The following AHNAK2 variants were observed in gnomAD, a reference collection of about 807,000 sequenced individuals.
AHNAK2 encodes protein AHNAK2.
In AHNAK2, 18 loss-of-function variants were observed where a neutral mutation model predicts 30.7. That is an observed-to-expected ratio of 0.59 (90% CI 0.41 to 0.87). AHNAK2 has a LOEUF of 0.87. AHNAK2 is among the 40% of genes least tolerant of loss of function. The pLI is 0.00. For missense variants in AHNAK2, 8,604 were observed against 7,373.0 expected (o/e 1.17, Z -6.11); for synonymous variants, 3,590 against 3,073.8 (o/e 1.17, Z -5.56).
rs780140579 is a variant in AHNAK2 at position 104,945,780 on chromosome 14, C to G, written c.9671G>C (p.Gly3224Ala). Residue 3224 changes from glycine to alanine, a missense_variant, in exon 7 of 7, where the codon GGG becomes GCG. Physicochemically the swap from Gly to Ala is moderately conservative, Grantham distance 60. Coordinates refer to ENST00000333244, the MANE Select transcript of AHNAK2 (RefSeq NM_138420.4). Reference protein sequence around the residue: ...GHVLEGAGLKGHLPKLQMPSF... With the variant: ...GHVLEGAGLKAHLPKLQMPSF... ...GGGCATCTGCAACTTGGGCAGGTGCCCTTTGAGGCCAGCTCCCTCGAGAAC... is the reference window on the plus strand; with the variant it reads ...GGGCATCTGCAACTTGGGCAGGTGCGCTTTGAGGCCAGCTCCCTCGAGAAC... 12 of 1,586,746 alleles carry G rather than the reference C, an allele frequency of 7.6e-6. No individual in the cohort carries two copies. Among genetic ancestry groups the G allele is most frequent in the South Asian group, 1.1e-5 (1 of 89,402 alleles).
chr14:104,963,757 G>A (rs1402351311), intron 1 of AHNAK2, among the ~76,000 whole-genome samples: 1 of 151,582 alleles, frequency 6.6e-6, no homozygotes, highest in Non-Finnish European at 1.5e-5. Flanking sequence ...GTGAACCCGG[G>A]AGGCGGAGCT....
rs1278523694 is a variant in AHNAK2 at position 104,950,742 on chromosome 14, G to A, written c.4709C>T (p.Ala1570Val). ...TTTGGGCAGGTGCCCTTTGAGGCCG[G>A]CTCCCTCGGACACAGGGCCCTCTGG... The part of the protein sequence containing the change: ...KLPEGPVSEG[A>V]GLKGHLPKVQ... The change falls in exon 7 of 7, where the codon GCC (alanine) becomes GTC (valine). Residue 1570 changes from alanine to valine, a missense_variant. By Grantham distance (64) the Ala-to-Val change is moderately conservative. Coordinates refer to ENST00000333244, the MANE Select transcript of AHNAK2 (RefSeq NM_138420.4). 1 of 1,587,868 alleles carries A rather than the reference G, an allele frequency of 6.3e-7. No homozygotes were observed. The highest frequency in any genetic ancestry group is 8.6e-7 in the Non-Finnish European group (1 of 1,162,904).
Position 104,954,312 on chromosome 14 carries a change from C to T in AHNAK2, c.1139G>A (p.Arg380Lys). ...CATCACTTCTCGATCCTGTTCTGCC[C>T]TCTCCTCTCTCCTGCTGCCTGTGGC... ...GAATGSRREE[R>K]AEQDREVMPA... The change falls in exon 7 of 7, where the codon AGG (arginine) becomes AAG (lysine). Residue 380 changes from arginine to lysine, a missense_variant. Physicochemically the swap from Arg to Lys is conservative, Grantham distance 26 (BLOSUM62 2). Coordinates refer to ENST00000333244, the MANE Select transcript of AHNAK2 (RefSeq NM_138420.4). The surrounding 1 kb of genome is among the most constrained non-coding windows in gnomAD (Gnocchi z 4.3). The T allele has an allele frequency of 1.2e-6, 2 of 1,613,644 alleles. No homozygotes were observed. The highest frequency in any genetic ancestry group is 4.5e-5 in the East Asian group (2 of 44,888).
chr14:104,942,595 G>A lies in AHNAK2; in HGVS notation c.12856C>T (p.Leu4286=). ...TTGGCAGTCATGTCCTTGTCGGCTAGGGACAGGTCACCCTCCAGCCGCACA... is the reference window on the plus strand; with the variant it reads ...TTGGCAGTCATGTCCTTGTCGGCTAAGGACAGGTCACCCTCCAGCCGCACA... ...DSVRLEGDLS[L]ADKDMTAKDS... Residue 4286 remains leucine (L), a synonymous_variant, in exon 7 of 7, where the codon CTA becomes TTA. Coordinates refer to ENST00000333244, the MANE Select transcript of AHNAK2 (RefSeq NM_138420.4). 1 of 1,613,152 alleles carries A rather than the reference G, an allele frequency of 6.2e-7. No individual in the cohort carries two copies. The highest frequency in any genetic ancestry group is 8.5e-7 in the Non-Finnish European group (1 of 1,179,554).
chr14:104,953,882 C>A lies in AHNAK2; in HGVS notation c.1569G>T (p.Ala523=), dbSNP rs764451584. Residue 523 remains alanine, a synonymous_variant, in exon 7 of 7, where the codon GCG becomes GCT. Coordinates refer to ENST00000333244, the MANE Select transcript of AHNAK2 (RefSeq NM_138420.4). ...CCTCCTCACCCTTCAGGCCAGTACC[C>A]GCTTTTGAGGACGCATCCTGTCTCT... ...RGKRQDASSK[A]GTGLKGEEVE... 2.5e-6 allele frequency: 4 copies of A among 1,613,994 alleles called. No individual in the cohort carries two copies. In the South Asian group the frequency reaches 4.4e-5, roughly 18 times the overall value.
intron 1 of AHNAK2, among the ~76,000 whole-genome samples, chr14:104,958,693 CA>C (rs796093330): frequency 1.4e-4 from 21 of 152,112 alleles, no homozygotes; most frequent in African/African-American, 4.1e-4. Context: ...AGAACGGGGT[CA>C]GGGGGAAGAT....
chr14:104,951,589 C>A lies in AHNAK2; in HGVS notation c.3862G>T (p.Ala1288Ser), dbSNP rs781278365. The change falls in exon 7 of 7, where the codon GCT becomes TCT. Residue 1288 changes from alanine to serine, a missense_variant. Transcript: ENST00000333244. ...ACCTCCACACTGGGCAGAGACACAG[C>A]CACTTCGTGGGCCGTCACCTCTGCC... is the stretch of plus-strand genomic sequence containing the variant. ...HKAEVTAHEV[A>S]VSLPSVEVDM... The A allele has an allele frequency of 8.0e-7, 1 of 1,247,912 alleles. No homozygotes were observed. Among genetic ancestry groups the A allele is most frequent in the Admixed American group, 1.9e-5 (1 of 53,786 alleles). 77.3% of individuals were successfully genotyped at this position (1,247,912 alleles called of 1,614,324 possible).
rs752206803 is a variant in AHNAK2, at chr14:104,942,833, C to T, written c.12618G>A (p.Leu4206=). 1.2e-6 allele frequency: 2 copies of T among 1,612,692 alleles called. No homozygotes were observed. The highest frequency in any genetic ancestry group is 8.5e-7 in the Non-Finnish European group (1 of 1,179,554). ...GCCCTTTGAGGCCGGCTCCCTTGGG[C>T]AGGGGGCCCTCCGGGAGTTTCACGT... ...QVDVKLPEGP[L]PKGAGLKGHL... The change falls in exon 7 of 7, where the codon CTG becomes CTA. Residue 4206 remains leucine, a synonymous_variant. Coordinates refer to ENST00000333244, the MANE Select transcript of AHNAK2 (RefSeq NM_138420.4).
rs540529984 is a variant in AHNAK2 at position 104,953,565 on chromosome 14, G to C, written c.1886C>G (p.Thr629Arg). ...ATADRREQRR[T>R]EEGLKDKEDS... is the part of the protein sequence containing the mutation. The stretch of plus-strand genomic sequence containing the variant: ...TTCTTTGTCTTTTAATCCTTCCTCT[G>C]TGCGTCTCTGTTCTCTTCTATCAGC... The change falls in exon 7 of 7, where the codon ACA becomes AGA. Residue 629 changes from threonine to arginine, a missense_variant. By Grantham distance (71) the Thr-to-Arg change is moderately conservative. Transcript: ENST00000333244. 25 of 1,613,966 alleles carry C rather than the reference G, an allele frequency of 1.5e-5. No individual in the cohort carries two copies. The highest frequency in any genetic ancestry group is 1.6e-4 in the Middle Eastern group (1 of 6,062).
chr14:104,949,188 C>G lies in AHNAK2; in HGVS notation c.6263G>C (p.Gly2088Ala). The change falls in exon 7 of 7, where the codon GGC becomes GCC. Residue 2088 changes from glycine (G) to alanine (A), a missense_variant. Coordinates refer to ENST00000333244, the MANE Select transcript of AHNAK2 (RefSeq NM_138420.4). ...SLKMPKVDLK[G>A]PQVDIKGPKL... Reference sequence around the variant, plus strand: ...GGGGCCCTTGATGTCCACCTGGGGGCCCTTGAGGTCCACTTTGGGCATCTT... The same window carrying G: ...GGGGCCCTTGATGTCCACCTGGGGGGCCTTGAGGTCCACTTTGGGCATCTT... 9.3e-7 allele frequency: 1 copy of G among 1,070,616 alleles called. No homozygotes were observed. Among genetic ancestry groups the G allele is most frequent in the East Asian group, 2.3e-5 (1 of 44,390 alleles). 66.3% of individuals were successfully genotyped at this position (1,070,616 alleles called of 1,614,324 possible).
rs568027910 is a variant in AHNAK2, at chr14:104,950,623, C to T, written c.4828G>A (p.Val1610Met). ...GPKLDLKGPK[V>M]EVTAPDVKMS... ...TTCACATCGGGGGCTGTCACTTCCA[C>T]CTTGGGGCCTTTCAGGTCCAGCTTG... Residue 1610 changes from valine to methionine, a missense_variant, in exon 7 of 7, where the codon GTG becomes ATG. Physicochemically the swap from Val to Met is conservative, Grantham distance 21 (BLOSUM62 1). Transcript: ENST00000333244. The T allele has an allele frequency of 1.9e-4, 305 of 1,587,162 alleles. 35 individuals are homozygous for T. The Admixed American group carries it at 5.1e-3, about 27-fold the overall frequency.
chr14:104,967,327 A>C (rs1362755446), intron 1 of AHNAK2, among the ~76,000 whole-genome samples: 1 of 151,970 alleles, frequency 6.6e-6, no homozygotes, highest in African/African-American at 2.4e-5. Context: ...GGGACTCGCC[A>C]GGCAGGGAAA....
In AHNAK2 at chr14:104,938,191, C is replaced by G; in HGVS notation, c.17260G>C (p.Val5754Leu). The change falls in exon 7 of 7, where the codon GTG becomes CTG. Residue 5754 changes from valine to leucine, a missense_variant. Physicochemically the swap from Val to Leu is conservative, Grantham distance 32 (BLOSUM62 1). Coordinates refer to ENST00000333244, the MANE Select transcript of AHNAK2 (RefSeq NM_138420.4). Reference protein sequence around the residue: ...EKEEGELIGPVGTGLDSRVMV... With the variant: ...EKEEGELIGPLGTGLDSRVMV... ...ACTCTGGAGTCCAGCCCAGTGCCCA[C>G]AGGCCCGATCAGTTCACCCTCTTCC... 1.1e-5 allele frequency: 18 copies of G among 1,613,980 alleles called. No individual in the cohort carries two copies. Among genetic ancestry groups the G allele is most frequent in the Non-Finnish European group, 1.4e-5 (17 of 1,179,904 alleles).
intron 1 of AHNAK2, among the ~76,000 whole-genome samples, chr14:104,969,512 C>T (rs1317235335): frequency 6.6e-6 from 1 of 152,246 alleles, no homozygotes; most frequent in African/African-American, 2.4e-5. Context: ...CTGCCGGCTC[C>T]CTGGTCCCCA....
At position 104,938,078 on chromosome 14, in the gene AHNAK2, T is replaced by C. The variant is rs753614203; in HGVS notation, c.17373A>G (p.Gly5791=). The C allele has an allele frequency of 1.2e-6, 2 of 1,613,384 alleles. No homozygotes were observed. Among genetic ancestry groups the C allele is most frequent in the East Asian group, 4.5e-5 (2 of 44,892 alleles). The stretch of plus-strand genomic sequence containing the variant: ...GCCATACCTCTCAGCCTTCATTTGG[T>C]CCCAGGCCTGACCCTTTGCTTTCAT... ...ADDESKGSGL[G]PNEG is the part of the protein sequence containing the mutation. The change falls in exon 7 of 7, where the codon GGA becomes GGG. Residue 5791 remains glycine (G), a synonymous_variant. Transcript: ENST00000333244.
In AHNAK2 at chr14:104,938,849, C is replaced by T. The variant is rs774884954; in HGVS notation, c.16602G>A (p.Val5534=). 5 of 1,613,894 alleles carry T rather than the reference C, an allele frequency of 3.1e-6. No individual in the cohort carries two copies. The South Asian group carries it at 5.5e-5, about 18-fold the overall frequency. The change falls in exon 7 of 7, where the codon GTG becomes GTA. Residue 5534 remains valine, a synonymous_variant. Transcript: ENST00000333244. ...KIPEPHTQAR[V]YTTMTQHSRT... is the part of the protein sequence containing the mutation. ...TAGAGTGTTGAGTCATTGTTGTGTA[C>T]ACTCTAGCCTGCGTGTGGGGCTCTG...
At position 104,943,419 on chromosome 14, in the gene AHNAK2, A is replaced by G; in HGVS notation, c.12032T>C (p.Leu4011Pro). 6.2e-7 allele frequency: 1 copy of G among 1,613,114 alleles called. No homozygotes were observed. The highest frequency in any genetic ancestry group is 1.7e-5 in the Admixed American group (1 of 59,962). The change falls in exon 7 of 7, where the codon CTC becomes CCC. Residue 4011 changes from leucine (L) to proline (P), a missense_variant. Leu to Pro is a moderately conservative substitution (Grantham distance 98, BLOSUM62 -3). Transcript: ENST00000333244. Reference sequence around the variant, plus strand: ...CTGAACGCTGAGGTCAGTGGCCTTGAGGTCCCCCTGCATGGAAGGGAGGCT... The same window carrying G: ...CTGAACGCTGAGGTCAGTGGCCTTGGGGTCCCCCTGCATGGAAGGGAGGCT... ...DVSLPSMQGDLKATDLSVQPP... is the reference protein window; with the variant it reads ...DVSLPSMQGDPKATDLSVQPP...
At position 104,945,166 on chromosome 14, in the gene AHNAK2, C is replaced by G. The variant is rs1193188758; in HGVS notation, c.10285G>C (p.Val3429Leu). The G allele has an allele frequency of 1.2e-6, 2 of 1,613,382 alleles. No homozygotes were observed. Among genetic ancestry groups the G allele is most frequent in the Non-Finnish European group, 8.5e-7 (1 of 1,179,742 alleles). The part of the protein sequence containing the change: ...DLKVPKAEVT[V>L]PDVEVSLPSV... ...GGCAGAGACACCTCCACATCAGGGA[C>G]TGTCACTTCCGCCTTGGGGACTTTT... Residue 3429 changes from valine (V) to leucine (L), a missense_variant, in exon 7 of 7, where the codon GTC (valine) becomes CTC (leucine). Coordinates refer to ENST00000333244, the MANE Select transcript of AHNAK2 (RefSeq NM_138420.4).
At position 104,954,854 on chromosome 14, in the gene AHNAK2, TG is replaced by T; in HGVS notation, c.652-56del. ...TGCCAGTCCAAGAAGCCTGGGGCCC[TG>T]GCCCAGGGACAGATGGAGTGGGAGT... is the stretch of plus-strand genomic sequence containing the variant. On this transcript the variant is annotated intron_variant, in intron 6 of 6. Transcript: ENST00000333244. This position sits in a 1 kb window ranked among gnomAD's most constrained non-coding sequence, Gnocchi z 4.3. 6.5e-7 allele frequency: 1 copy of T among 1,535,206 alleles called. No individual in the cohort carries two copies. The highest frequency in any genetic ancestry group is 8.7e-7 in the Non-Finnish European group (1 of 1,143,508).
Sources: allele counts gnomAD v4.1 joint callset (sites outside exome capture counted in the v4.1 genomes callset), GRCh38; gene constraint gnomAD v4.1.1; non-coding constraint Gnocchi (gnomAD v3.1); transcripts MANE v1.5; gene names NCBI Gene and HGNC (gene_info 2026-07-23, HGNC 2026-07-21).